SERPINI2: variants seen among roughly 807,000 people sequenced by gnomAD.
The protein encoded by SERPINI2 is serpin I2.
SERPINI2 carries 48 observed loss-of-function variants against 47.3 expected under a neutral mutation model. The observed-to-expected ratio is 1.02, with a 90% CI of 0.81 to 1.29. SERPINI2 has a LOEUF of 1.29. SERPINI2 is among the 50% of genes most tolerant of loss of function. The pLI, the probability that SERPINI2 is intolerant of heterozygous loss-of-function variation, is 0.00. For synonymous variants in SERPINI2, 135 were observed against 149.3 expected (o/e 0.90, Z 0.70); for missense variants, 448 against 456.9 (o/e 0.98, Z 0.18).
chr3:167,476,302 G>A (rs1750478236), upstream of SERPINI2, among the ~76,000 whole-genome samples: 1 of 151,792 alleles, frequency 6.6e-6, no homozygotes, highest in Non-Finnish European at 1.5e-5. Flanking sequence ...AGTTACAAAA[G>A]AAGAGTAAGA....
chr3:167,463,742 G>A (rs1263732938), intron 5 of SERPINI2, among the ~76,000 whole-genome samples: 1 of 152,108 alleles, frequency 6.6e-6, no homozygotes, highest in Non-Finnish European at 1.5e-5. Flanking sequence ...TAAATAGAGA[G>A]GAGAAAGTTT....
chr3:167,448,492 G>T (rs1749543043), intron 7 of SERPINI2, among the ~76,000 whole-genome samples: 1 of 152,140 alleles, frequency 6.6e-6, no homozygotes, highest in South Asian at 2.1e-4. Flanking sequence ...TTATTTTGGG[G>T]TGTGGACTGG....
chr3:167,459,218 G>A (rs1476995947), intron 5 of SERPINI2, among the ~76,000 whole-genome samples: 1 of 151,116 alleles, frequency 6.6e-6, no homozygotes, highest in East Asian at 1.9e-4. Flanking sequence ...GGGACTACAG[G>A]CGCCCGCCAC....
intron 1 of SERPINI2, chr3:167,473,599 T>C (rs1042269965): frequency 1.0e-5 from 4 of 400,028 alleles, no homozygotes; most frequent in Non-Finnish European, 1.7e-5. Context: ...GTATTAGAGT[T>C]TCCTTCTCAT....
chr3:167,465,396 A>C (rs1750103210), exon 5 of SERPINI2: 2 of 1,602,054 alleles, frequency 1.2e-6, no homozygotes, highest in Non-Finnish European at 1.7e-6. Context: ...TCAGAAAAAT[A>C]ACCTGGAATA....
chr3:167,475,723 C>CGGG (rs141289108), upstream of SERPINI2, among the ~76,000 whole-genome samples: 16 of 139,618 alleles, frequency 1.1e-4, no homozygotes, highest in African/African-American at 2.9e-4. Flanking sequence ...CCTAGAAAAT[C>CGGG]GGGGTGGGGG....
chr3:167,449,766 T>C (rs1028831234), intron 6 of SERPINI2, among the ~76,000 whole-genome samples: 3 of 152,188 alleles, frequency 2.0e-5, no homozygotes, highest in Non-Finnish European at 4.4e-5. Context: ...GTTCTGGGAT[T>C]ACAGGTGTGA....
At chr3:167,475,130 C>T (rs1750449702), upstream of SERPINI2, among the ~76,000 whole-genome samples, 1 of 151,640 alleles carries the variant, frequency 6.6e-6, no homozygotes, top group Admixed American at 6.6e-5. Context: ...ATAGGCATCT[C>T]CAAATGTTTT....
chr3:167,465,616 A>G (rs1443104261), exon 4 of SERPINI2: 1 of 1,613,334 alleles, frequency 6.2e-7, no homozygotes, highest in East Asian at 2.2e-5. Flanking sequence ...AGCATTCACC[A>G]GGACAAGCCG....
At chr3:167,445,745 C>T (rs1313468546) in intron 8 of SERPINI2, among the ~76,000 whole-genome samples, 1 of 152,176 alleles carries the variant, frequency 6.6e-6, no homozygotes, top group Non-Finnish European at 1.5e-5. Flanking sequence ...TTTCTGGCTT[C>T]TCTTACTCAC....
chr3:167,459,078 G>GTTTGTTTTTTTTTT (rs1560233541), intron 5 of SERPINI2, among the ~76,000 whole-genome samples: 1 of 139,032 alleles, frequency 7.2e-6, no homozygotes, highest in African/African-American at 2.7e-5. Context: ...GTTTTTTTTT[G>GTTTGTTTTTTTTTT]TTTTTTTTTT....
chr3:167,448,031 T>G (rs1417965262), intron 7 of SERPINI2, among the ~76,000 whole-genome samples: 1 of 152,246 alleles, frequency 6.6e-6, no homozygotes, highest in Non-Finnish European at 1.5e-5. Context: ...CTTTTAAATA[T>G]TGATTAAAAT....
At chr3:167,448,824 CT>C in intron 7 of SERPINI2, among the ~76,000 whole-genome samples, 1 of 152,236 alleles carries the variant, frequency 6.6e-6, no homozygotes, top group African/African-American at 2.4e-5. Flanking sequence ...GCCCGGTTGA[CT>C]GGGCATAGGA....
At chr3:167,442,845 G>A (rs1560228049) in intron 8 of SERPINI2, among the ~76,000 whole-genome samples, 1 of 152,206 alleles carries the variant, frequency 6.6e-6, no homozygotes, top group Non-Finnish European at 1.5e-5. Context: ...TTTAAACTGG[G>A]TTAAGAGAAG....
chr3:167,470,915 C>T (rs1237629678), intron 2 of SERPINI2, among the ~76,000 whole-genome samples: 1 of 151,638 alleles, frequency 6.6e-6, no homozygotes, highest in Non-Finnish European at 1.5e-5. Context: ...CCAGACAGTC[C>T]ATGAGGAGAC....
At chr3:167,456,150 C>CTGTGTGTG (rs68048909) in intron 5 of SERPINI2, among the ~76,000 whole-genome samples, 12,370 of 144,356 alleles carry the variant, frequency 0.086, 575 homozygotes, top group East Asian at 0.19. Flanking sequence ...TCAATTACCT[C>CTGTGTGTG]TGTGTGTGTG....
intron 6 of SERPINI2, among the ~76,000 whole-genome samples, chr3:167,450,670 C>T (rs972252975): frequency 2.0e-5 from 3 of 152,114 alleles, no homozygotes; most frequent in Non-Finnish European, 4.4e-5. Context: ...GAGAATTTCT[C>T]TCAAGGTCCG....
At chr3:167,457,922 C>T (rs959448459) in intron 5 of SERPINI2, among the ~76,000 whole-genome samples, 1 of 152,032 alleles carries the variant, frequency 6.6e-6, no homozygotes, top group Non-Finnish European at 1.5e-5. Context: ...GAACCGTTGG[C>T]AGGGGTGGGG....
intron 8 of SERPINI2, among the ~76,000 whole-genome samples, chr3:167,443,676 A>G (rs1749389841): frequency 6.6e-6 from 1 of 152,134 alleles, no homozygotes; most frequent in Non-Finnish European, 1.5e-5. Context: ...ACTTCTATAA[A>G]CACTAAGTTA....
Sources: gnomAD v4.1 joint callset for allele counts (sites outside exome capture counted in the v4.1 genomes callset) on GRCh38, gnomAD v4.1.1 for gene constraint, MANE v1.5 for transcripts, NCBI Gene and HGNC (gene_info 2026-07-23, HGNC 2026-07-21) for gene names.